Variants in EXOC6B observed in about 807,000 individuals in gnomAD.
The protein encoded by EXOC6B is exocyst complex component 6B, also known as SEC15 homolog B.
EXOC6B carries 54 observed loss-of-function variants against 113.5 expected under a neutral mutation model. The ratio of observed to expected loss-of-function variants is 0.48; its 90% confidence interval spans 0.38 to 0.60. The LOEUF is 0.60. Ranked by LOEUF, EXOC6B falls within the 20% of genes least tolerant of loss-of-function variation. EXOC6B has a pLI of 0.00. For missense variants in EXOC6B, 797 were observed against 977.5 expected (o/e 0.82, Z 2.46); for synonymous variants, 357 against 339.0 (o/e 1.05, Z -0.58).
intron 6 of EXOC6B, among the ~76,000 whole-genome samples, chr2:72,643,652 T>C (rs1673446363): frequency 7.0e-6 from 1 of 142,136 alleles, no homozygotes; most frequent in African/African-American, 2.6e-5. Flanking sequence ...TTGGGAGATA[T>C]ACCTAATGCT....
intron 8 of EXOC6B, among the ~76,000 whole-genome samples, chr2:72,529,849 G>A (rs1701907866): frequency 6.6e-6 from 1 of 152,156 alleles, no homozygotes; most frequent in Non-Finnish European, 1.5e-5. Context: ...TGGGTGAATT[G>A]TGATAGTTTG....
intron 6 of EXOC6B, among the ~76,000 whole-genome samples, chr2:72,666,274 T>G (rs761941526): frequency 2.0e-5 from 3 of 152,190 alleles, no homozygotes; most frequent in African/African-American, 4.8e-5. Flanking sequence ...ACTCTGGACT[T>G]AAACTTGATG....
intron 17 of EXOC6B, among the ~76,000 whole-genome samples, chr2:72,467,991 G>T (rs187449939): frequency 6.6e-6 from 1 of 151,956 alleles, no homozygotes; most frequent in African/African-American, 2.4e-5. Flanking sequence ...GGCTGGTCTC[G>T]AACTCTTGAC....
At chr2:72,665,406 G>A (rs978491671) in intron 6 of EXOC6B, among the ~76,000 whole-genome samples, 3 of 152,178 alleles carry the variant, frequency 2.0e-5, no homozygotes, top group South Asian at 2.1e-4. Context: ...CATCAGATTC[G>A]CAAAGGTCAA....
intron 20 of EXOC6B, among the ~76,000 whole-genome samples, chr2:72,265,012 C>T (rs1262371510): frequency 2.6e-5 from 4 of 151,632 alleles, no homozygotes; most frequent in African/African-American, 7.3e-5. Context: ...TACCTGAAAA[C>T]GTGGAAGCGA....
intron 1 of EXOC6B, among the ~76,000 whole-genome samples, chr2:72,806,166 C>T (rs1284741982): frequency 2.0e-5 from 3 of 152,074 alleles, no homozygotes. Flanking sequence ...GTTTTTCAAC[C>T]CACACTCCAC....
chr2:72,602,464 T>C (rs1249212848), intron 6 of EXOC6B, among the ~76,000 whole-genome samples: 12 of 152,172 alleles, frequency 7.9e-5, no homozygotes, highest in Admixed American at 6.5e-4. Context: ...CTCTCACCAA[T>C]AGAATAGACC....
intron 1 of EXOC6B, among the ~76,000 whole-genome samples, chr2:72,815,737 A>G (rs1442949761): frequency 6.6e-6 from 1 of 152,262 alleles, no homozygotes; most frequent in African/African-American, 2.4e-5. Flanking sequence ...GAGCAATCTC[A>G]TAGACTGCTA....
chr2:72,267,193 T>C (rs1285154675), intron 20 of EXOC6B, among the ~76,000 whole-genome samples: 3 of 152,166 alleles, frequency 2.0e-5, no homozygotes, highest in South Asian at 2.1e-4. Context: ...ACAATCATGT[T>C]GTCTGCAAAC....
At chr2:72,663,234 T>C (rs1675149779) in intron 6 of EXOC6B, among the ~76,000 whole-genome samples, 1 of 152,206 alleles carries the variant, frequency 6.6e-6, no homozygotes, top group Admixed American at 6.5e-5. Context: ...ATAATTTGGA[T>C]TGATATCAGA....
rs57679690 is a variant in EXOC6B, at chr2:72,189,860, C to CTTTTTTTTTTTTTT, written c.2197-5687_2197-5674dup. Among the ~76,000 whole-genome samples, 52 of 87,214 alleles carry CTTTTTTTTTTTTTT rather than the reference C, an allele frequency of 6.0e-4. 4 individuals carry two copies. The highest frequency in any genetic ancestry group is 2.1e-3 in the African/African-American group (32 of 15,346). The allele number at this position is 87,214 out of a possible 152,430, so 57.2% of individuals were successfully genotyped here. A position where few individuals can be genotyped will look rare whatever the true frequency, so the allele number is the denominator to read the frequency against. ...TCTCTCTCTCTTTCTCCTTCTTCTT[C>CTTTTTTTTTTTTTT]TTTTTTTTTTTTTTTTTTTTGAGGC... On this transcript the variant is annotated intron_variant, in intron 20 of 21. Coordinates refer to ENST00000272427, the MANE Select transcript of EXOC6B (RefSeq NM_015189.3).
chr2:72,725,583 G>C (rs1680250357), intron 5 of EXOC6B, among the ~76,000 whole-genome samples: 1 of 151,994 alleles, frequency 6.6e-6, no homozygotes, highest in South Asian at 2.1e-4. Context: ...GTAGGGATGG[G>C]GTTTCACCAT....
chr2:72,210,032 TACTAAG>T (rs1156319408), intron 20 of EXOC6B, among the ~76,000 whole-genome samples: 1 of 152,168 alleles, frequency 6.6e-6, no homozygotes, highest in Non-Finnish European at 1.5e-5. Context: ...GAATTATAAA[TACTAAG>T]ACTTTCTTTT....
chr2:72,783,492 T>C (rs1684189763), intron 1 of EXOC6B, among the ~76,000 whole-genome samples: 1 of 151,698 alleles, frequency 6.6e-6, no homozygotes, highest in Admixed American at 6.6e-5. Flanking sequence ...CCCAGCTAAT[T>C]TTTGTATTTT....
At chr2:72,749,293 C>T (rs1459726409) in intron 1 of EXOC6B, among the ~76,000 whole-genome samples, 1 of 152,068 alleles carries the variant, frequency 6.6e-6, no homozygotes, top group Non-Finnish European at 1.5e-5. Flanking sequence ...GCTCTGGTCT[C>T]ACTGCATGTA....
intron 6 of EXOC6B, among the ~76,000 whole-genome samples, chr2:72,599,143 T>C (rs1196349749): frequency 6.6e-6 from 1 of 152,090 alleles, no homozygotes; most frequent in Non-Finnish European, 1.5e-5. Flanking sequence ...TGAACACTGA[T>C]GTAAACACCC....
At chr2:72,384,633 C>T in intron 18 of EXOC6B, among the ~76,000 whole-genome samples, 1 of 151,684 alleles carries the variant, frequency 6.6e-6, no homozygotes, top group East Asian at 1.9e-4. Flanking sequence ...CTAAAAATTC[C>T]ACCAAAAACT....
intron 1 of EXOC6B, among the ~76,000 whole-genome samples, chr2:72,793,164 C>T (rs1173941977): frequency 1.3e-5 from 2 of 152,100 alleles, no homozygotes. Context: ...TTCCTTTACA[C>T]ATAACCTGAA....
intron 14 of EXOC6B, 114 bp downstream of exon 14, chr2:72,496,340 T>C: frequency 1.7e-6 from 1 of 598,460 alleles, no homozygotes; most frequent in Non-Finnish European, 3.0e-6. Context: ...TGAAATTGTT[T>C]TAGAGTTCTA....
Sources: allele counts gnomAD v4.1 joint callset (sites outside exome capture counted in the v4.1 genomes callset), GRCh38; gene constraint gnomAD v4.1.1; transcripts MANE v1.5; gene names NCBI Gene and HGNC (gene_info 2026-07-23, HGNC 2026-07-21).